Variants in DGKK observed in about 807,000 individuals in gnomAD.
DGKK encodes diacylglycerol kinase kappa, also known as 142 kDa diacylglycerol kinase.
In DGKK, 35 loss-of-function variants were observed where a neutral mutation model predicts 92.2. The ratio of observed to expected loss-of-function variants is 0.38; its 90% CI spans 0.29 to 0.50. The LOEUF is 0.50. Among genes scored for constraint, DGKK ranks in the 20% least tolerant of loss-of-function variants. The pLI, the probability that DGKK is intolerant of heterozygous loss-of-function variation, is 0.92. For missense variants in DGKK, 910 were observed against 992.2 expected (o/e 0.92, Z 1.11); for synonymous variants, 368 against 360.6 (o/e 1.02, Z -0.23).
At chrX:50,436,375 G>A (rs1464352918) in intron 1 of DGKK, among the ~76,000 whole-genome samples, 3 of 111,862 alleles carry the variant, frequency 2.7e-5, no homozygotes, top group South Asian at 3.7e-4. Flanking sequence ...TCCCTAATGC[G>A]TTAATAAATG....
chrX:50,400,751 T>G (rs1267750986), intron 8 of DGKK, among the ~76,000 whole-genome samples: 1 of 111,527 alleles, frequency 9.0e-6, no homozygotes, highest in Non-Finnish European at 1.9e-5. Context: ...ATTTAATGAC[T>G]TATCCAGTGT....
intron 4 of DGKK, among the ~76,000 whole-genome samples, chrX:50,407,038 CAT>C (rs35334917): frequency 0.31 from 34,450 of 110,194 alleles, 4,057 homozygotes; most frequent in Admixed American, 0.41. Context: ...GATGAGGCCT[CAT>C]GTGAATATGT....
intron 4 of DGKK, among the ~76,000 whole-genome samples, chrX:50,405,673 G>A (rs782509044): frequency 4.5e-5 from 5 of 111,181 alleles, no homozygotes; most frequent in Admixed American, 9.6e-5. Context: ...TCCCACTTCT[G>A]GCATGCTGGT....
chrX:50,382,921 T>C (rs1199967396), intron 17 of DGKK, among the ~76,000 whole-genome samples: 1 of 111,869 alleles, frequency 8.9e-6, no homozygotes, highest in Non-Finnish European at 1.9e-5. Flanking sequence ...TCTTCATATG[T>C]AGTATTAAGG....
In DGKK at chrX:50,387,668, T is replaced by C. The variant is rs1478889622; in HGVS notation, c.2019-15A>G. 2 of 1,126,619 alleles carry C rather than the reference T, an allele frequency of 1.8e-6. No individual in the cohort carries two copies. Among genetic ancestry groups the C allele is most frequent in the Non-Finnish European group, 2.4e-6 (2 of 820,950 alleles). 92.8% of individuals were successfully genotyped at this position (1,126,619 alleles called of 1,213,427 possible). ...AACACAAGAATCTGGAAAGATAAAA[T>C]AGATGGCACAATGTTACATGAACCA... On this transcript the variant is annotated splice_polypyrimidine_tract_variant and intron_variant, in intron 13 of 27. Transcript: ENST00000611977.
At chrX:50,373,546 A>G (rs1924196452) in intron 25 of DGKK, among the ~76,000 whole-genome samples, 2 of 112,207 alleles carry the variant, frequency 1.8e-5, no homozygotes, top group East Asian at 2.8e-4. Flanking sequence ...AGCTCTGCCT[A>G]TATATAGAAA....
At position 50,387,549 on chromosome X, in the gene DGKK, C is replaced by T; in HGVS notation, c.2118+5G>A. ...GAGTATAAGACAAAAGGAATGGGAA[C>T]TTACTTTCAAAATCACAGACACTAT... On this transcript the variant is annotated splice_donor_5th_base_variant and intron_variant, in intron 14 of 27. Coordinates refer to ENST00000611977, the MANE Select transcript of DGKK (RefSeq NM_001013742.4). 2.5e-6 allele frequency: 3 copies of T among 1,191,413 alleles called. No homozygotes were observed. Among genetic ancestry groups the T allele is most frequent in the Non-Finnish European group, 3.4e-6 (3 of 878,481 alleles).
At position 50,441,012 on chromosome X, in the gene DGKK, T is replaced by C. The variant is rs191164057; in HGVS notation, c.646-16654A>G. On this transcript the variant is annotated intron_variant, in intron 1 of 27. Transcript: ENST00000611977. ...CTCATGGCTTCCTGGTGAGCAGAAC[T>C]TCCACTTTAGTGTTCCTAACTTGAT... is the stretch of plus-strand genomic sequence containing the variant. Among the ~76,000 whole-genome samples, 293 of 111,648 alleles carry C rather than the reference T, an allele frequency of 2.6e-3. 2 individuals are homozygous for C. The highest frequency in any genetic ancestry group is 9.2e-3 in the African/African-American group (284 of 30,811).
At chrX:50,448,184 T>TTC (rs1248606378) in intron 1 of DGKK, among the ~76,000 whole-genome samples, 1 of 110,801 alleles carries the variant, frequency 9.0e-6, no homozygotes, top group Non-Finnish European at 1.9e-5. Flanking sequence ...TAAAGCTCCT[T>TTC]TCTCTTTTTT....
intron 1 of DGKK, among the ~76,000 whole-genome samples, chrX:50,436,345 C>A (rs987924555): frequency 8.9e-6 from 1 of 111,964 alleles, no homozygotes; most frequent in Non-Finnish European, 1.9e-5. Flanking sequence ...TAATCTGAGT[C>A]TTGGAGAGAT....
chrX:50,440,484 T>G (rs140201595), intron 1 of DGKK, among the ~76,000 whole-genome samples: 1 of 111,939 alleles, frequency 8.9e-6, no homozygotes, highest in African/African-American at 3.2e-5. Flanking sequence ...TGCCATGCAC[T>G]TAGCCTAAAA....
intron 26 of DGKK, among the ~76,000 whole-genome samples, chrX:50,370,954 G>A (rs570985912): frequency 8.9e-6 from 1 of 112,360 alleles, no homozygotes; most frequent in Admixed American, 9.4e-5. Flanking sequence ...GCATGAATTA[G>A]GAAAAAACAC....
At chrX:50,462,736 T>C (rs1926778143) in intron 1 of DGKK, among the ~76,000 whole-genome samples, 1 of 108,474 alleles carries the variant, frequency 9.2e-6, no homozygotes, top group South Asian at 4.2e-4. Flanking sequence ...GGAGAGGACC[T>C]ACAAGGGCAA....
Position 50,376,135 on chromosome X carries a change from A to T in DGKK, c.3303T>A (p.His1101Gln), listed in dbSNP as rs1557223826. ...KLNDLSKIHQHVSVLMGSVNA... is the reference protein window; with the variant it reads ...KLNDLSKIHQQVSVLMGSVNA... Reference sequence around the variant, plus strand: ...TCACAGAACCCATGAGGACAGACACATGCTGGTGGATCTTGCTCAGGTCAT... The same window carrying T: ...TCACAGAACCCATGAGGACAGACACTTGCTGGTGGATCTTGCTCAGGTCAT... The change falls in exon 24 of 28, where the codon CAT (histidine) becomes CAA (glutamine). Residue 1101 changes from histidine to glutamine, a missense_variant. By Grantham distance (24) the His-to-Gln change is conservative. Transcript: ENST00000611977. The T allele has an allele frequency of 8.3e-7, 1 of 1,209,523 alleles. No homozygotes were observed. The highest frequency in any genetic ancestry group is 1.7e-5 in the African/African-American group (1 of 57,220).
intron 17 of DGKK, among the ~76,000 whole-genome samples, chrX:50,383,841 TAAC>T (rs1251352926): frequency 4.4e-5 from 5 of 112,519 alleles, no homozygotes; most frequent in African/African-American, 1.6e-4. Flanking sequence ...TCCTCTGTAA[TAAC>T]AACAACTAAC....
intron 1 of DGKK, among the ~76,000 whole-genome samples, chrX:50,439,248 A>T (rs1926110460): frequency 8.9e-6 from 1 of 111,771 alleles, no homozygotes; most frequent in Admixed American, 9.5e-5. Flanking sequence ...AAGCACATAT[A>T]TTTATGCAAA....
intron 17 of DGKK, among the ~76,000 whole-genome samples, chrX:50,383,313 G>T (rs1319374757): frequency 4.5e-5 from 5 of 111,691 alleles, no homozygotes; most frequent in African/African-American, 1.3e-4. Context: ...CCCCAAGAGA[G>T]GAGGTTGTTA....
chrX:50,424,479 G>A (rs1309219752), intron 1 of DGKK, 121 bp from the exon 2 acceptor site: 2 of 575,050 alleles, frequency 3.5e-6, no homozygotes, highest in Non-Finnish European at 5.4e-6. Flanking sequence ...TCTGAGAAAT[G>A]GCCTGAAGGC....
intron 1 of DGKK, among the ~76,000 whole-genome samples, chrX:50,428,287 A>C (rs1299443754): frequency 9.0e-6 from 1 of 110,750 alleles, no homozygotes; most frequent in Non-Finnish European, 1.9e-5. Context: ...AAAGTTTATA[A>C]TCCTTTGGCA....
Sources: gnomAD v4.1 joint callset for allele counts (sites outside exome capture counted in the v4.1 genomes callset) on GRCh38, gnomAD v4.1.1 for gene constraint, MANE v1.5 for transcripts, NCBI Gene and HGNC (gene_info 2026-07-23, HGNC 2026-07-21) for gene names.